NEDD4: variants seen among roughly 807,000 people sequenced by gnomAD.
NEDD4 encodes NEDD4 E3 ubiquitin protein ligase.
A neutral mutation model predicts 144.9 loss-of-function variants in NEDD4; 99 were observed. That is an observed-to-expected ratio of 0.68 (90% confidence interval 0.58 to 0.81). NEDD4 has a LOEUF of 0.81. Ranked by LOEUF, NEDD4 falls within the 30% of genes least tolerant of loss-of-function variation. NEDD4 has a pLI of 0.00. For synonymous variants in NEDD4, 318 were observed against 350.6 expected, an observed-to-expected ratio of 0.91 and a Z score of 1.04; for missense variants, 985 against 1,065.9, an observed-to-expected ratio of 0.92 and a Z score of 1.06.
At chr15:55,849,085 G>A (rs1258242419) in intron 14 of NEDD4, among the ~76,000 whole-genome samples, 199 bp from the exon 15 acceptor site, 4 of 152,104 alleles carry the variant, frequency 2.6e-5, no homozygotes, top group African/African-American at 9.7e-5. Flanking sequence ...ATATCAAAAG[G>A]AATAACGATC....
intron 2 of NEDD4, among the ~76,000 whole-genome samples, chr15:55,956,810 T>C (rs1185848377): frequency 5.3e-5 from 8 of 152,206 alleles, no homozygotes; most frequent in South Asian, 2.1e-4. Context: ...CATACAAATA[T>C]TGAAATCAGC....
chr15:55,942,049 T>C (rs2037016287), intron 4 of NEDD4, among the ~76,000 whole-genome samples: 1 of 138,388 alleles, frequency 7.2e-6, no homozygotes, highest in Non-Finnish European at 1.6e-5. Context: ...GTTCAAATCA[T>C]CTATATATTT....
At position 55,911,763 on chromosome 15, in the gene NEDD4, C is replaced by T. The variant is rs949605709; in HGVS notation, c.291+12883G>A. ...CAGGATGGTCTCGATCTCCTGACCT[C>T]GTGATCCGCCCGTCTCGGCCTCCCA... On this transcript the variant is annotated intron_variant, in intron 5 of 28. Coordinates refer to ENST00000435532, the MANE Select transcript of NEDD4 (RefSeq NM_006154.4). Among the ~76,000 whole-genome samples the T allele has an allele frequency of 2.0e-5, 3 of 152,034 alleles. No individual in the cohort carries two copies. The South Asian group carries it at 6.2e-4, about 31-fold the overall frequency.
chr15:55,933,450 G>C (rs1377613285), intron 4 of NEDD4, among the ~76,000 whole-genome samples: 7 of 148,252 alleles, frequency 4.7e-5, no homozygotes, highest in African/African-American at 1.7e-4. Flanking sequence ...AACACCGCAT[G>C]TTCTCACTCA....
chr15:55,992,632 C>A (rs1292627386), intron 1 of NEDD4, among the ~76,000 whole-genome samples: 2 of 152,166 alleles, frequency 1.3e-5, no homozygotes, highest in African/African-American at 2.4e-5. Context: ...CATCTCCCAC[C>A]CATTTGCATT....
At chr15:55,845,612 A>G (rs1447603810) in intron 18 of NEDD4, among the ~76,000 whole-genome samples, 1 of 151,974 alleles carries the variant, frequency 6.6e-6, no homozygotes, top group African/African-American at 2.4e-5. Flanking sequence ...ATACTACAAC[A>G]TGTTTCAACC....
At chr15:55,849,421 C>A (rs1329527848) in intron 14 of NEDD4, among the ~76,000 whole-genome samples, 1 of 152,050 alleles carries the variant, frequency 6.6e-6, no homozygotes, top group Non-Finnish European at 1.5e-5. Context: ...GACGGGGTTT[C>A]TCCATGTTGG....
intron 2 of NEDD4, among the ~76,000 whole-genome samples, chr15:55,953,877 C>T (rs1473724475): frequency 2.6e-5 from 4 of 152,300 alleles, no homozygotes; most frequent in African/African-American, 4.8e-5. Context: ...CCTGCCACCA[C>T]GCTTGGCTAA....
At chr15:55,844,041 A>G (rs1297905777) in intron 18 of NEDD4, among the ~76,000 whole-genome samples, 1 of 152,202 alleles carries the variant, frequency 6.6e-6, no homozygotes. Context: ...GCAGGGCATA[A>G]AAGACTGAGC....
At chr15:55,934,011 G>A (rs1298459674) in intron 4 of NEDD4, among the ~76,000 whole-genome samples, 1 of 151,984 alleles carries the variant, frequency 6.6e-6, no homozygotes, top group Non-Finnish European at 1.5e-5. Flanking sequence ...AAATTAGCTG[G>A]GTGTGGTGGC....
intron 5 of NEDD4, among the ~76,000 whole-genome samples, chr15:55,885,618 G>T (rs566168595): frequency 6.6e-6 from 1 of 152,168 alleles, no homozygotes; most frequent in South Asian, 2.1e-4. Context: ...GTGTTAAGTT[G>T]TCATCAGTTT....
In NEDD4 at chr15:55,884,346, G is replaced by A. The variant is rs75934910; in HGVS notation, c.292-10338C>T. ...GGATGGGTAAAAATAAGCATAGACT[G>A]TGAAGACTATAATAAATACCTAACT... is the stretch of plus-strand genomic sequence containing the variant. On this transcript the variant is annotated intron_variant, in intron 5 of 28. Coordinates refer to ENST00000435532, the MANE Select transcript of NEDD4 (RefSeq NM_006154.4). 3.9e-5 allele frequency among the ~76,000 whole-genome samples: 6 copies of A among 152,284 alleles called. No individual in the cohort carries two copies. The East Asian group carries it at 1.2e-3, about 29-fold the overall frequency.
At chr15:55,875,234 G>A (rs1263425396) in intron 5 of NEDD4, among the ~76,000 whole-genome samples, 1 of 152,110 alleles carries the variant, frequency 6.6e-6, no homozygotes, top group African/African-American at 2.4e-5. Context: ...AGAAAAATAA[G>A]GTCATAATGA....
At chr15:55,874,529 T>C (rs996887401) in intron 5 of NEDD4, among the ~76,000 whole-genome samples, 1 of 152,142 alleles carries the variant, frequency 6.6e-6, no homozygotes, top group Non-Finnish European at 1.5e-5. Flanking sequence ...TCCAAATCTA[T>C]ATATAAACTC....
intron 4 of NEDD4, among the ~76,000 whole-genome samples, chr15:55,934,426 G>C (rs144970052): frequency 2.6e-5 from 4 of 152,062 alleles, no homozygotes; most frequent in Non-Finnish European, 5.9e-5. Flanking sequence ...ACATTGGTGC[G>C]CAAGTTTTCT....
intron 5 of NEDD4, among the ~76,000 whole-genome samples, chr15:55,881,782 A>G (rs961143834): frequency 2.0e-4 from 30 of 152,192 alleles, no homozygotes; most frequent in African/African-American, 6.5e-4. Flanking sequence ...AACTGTCACT[A>G]GAGTAATACA....
chr15:55,964,787 T>C lies in NEDD4; in HGVS notation c.119+1686A>G, dbSNP rs2037485529. Among the ~76,000 whole-genome samples the C allele has an allele frequency of 2.0e-5, 3 of 151,770 alleles. No individual in the cohort carries two copies. In the South Asian group the frequency reaches 6.3e-4, roughly 32 times the overall value. The stretch of plus-strand genomic sequence containing the variant: ...ATCCTTCAAACCGCATGTTGAAATT[T>C]GATTTCCAATGTGGGAATATTGAAA... On this transcript the variant is annotated intron_variant, in intron 2 of 28. Coordinates refer to ENST00000435532, the MANE Select transcript of NEDD4 (RefSeq NM_006154.4).
chr15:55,976,714 C>G (rs977160624), intron 1 of NEDD4, among the ~76,000 whole-genome samples: 4 of 150,444 alleles, frequency 2.7e-5, no homozygotes, highest in African/African-American at 9.8e-5. Context: ...ACTGCAAGCT[C>G]TGCCTCCTGG....
intron 17 of NEDD4, 64 bp downstream of exon 17, chr15:55,848,308 A>G (rs1595743977): frequency 5.4e-6 from 8 of 1,495,156 alleles, no homozygotes; most frequent in African/African-American, 1.4e-5. Context: ...GCCCGTGACT[A>G]TCTGCTCTTG....
Sources: allele counts gnomAD v4.1 joint callset (sites outside exome capture counted in the v4.1 genomes callset), GRCh38; gene constraint gnomAD v4.1.1; transcripts MANE v1.5; gene names NCBI Gene and HGNC (gene_info 2026-07-23, HGNC 2026-07-21).